LRRFIP1: variants seen among roughly 807,000 people sequenced by gnomAD.
The protein encoded by LRRFIP1 is leucine-rich repeat flightless-interacting protein 1.
Under a neutral mutation model 104.4 loss-of-function variants are expected in LRRFIP1, and 62 were observed. The observed-to-expected ratio is 0.59, with a 90% CI of 0.48 to 0.73. The LOEUF is 0.73. LRRFIP1 is among the 30% of genes least tolerant of loss of function. The pLI, the probability that LRRFIP1 is intolerant of heterozygous loss-of-function variation, is 0.00. For missense variants in LRRFIP1, 796 were observed against 824.5 expected, an observed-to-expected ratio of 0.97 and a Z score of 0.42; for synonymous variants, 300 against 299.0, an observed-to-expected ratio of 1.00 and a Z score of -0.03.
intron 23 of LRRFIP1, among the ~76,000 whole-genome samples, chr2:237,775,674 G>A (rs2061022603): frequency 6.6e-6 from 1 of 152,052 alleles, no homozygotes; most frequent in Non-Finnish European, 1.5e-5. Flanking sequence ...TTTACATAAA[G>A]TGCAAAAAAA....
At chr2:237,701,798 C>T (rs2093548073) in intron 1 of LRRFIP1, among the ~76,000 whole-genome samples, 3 of 152,204 alleles carry the variant, frequency 2.0e-5, no homozygotes. Context: ...CCGTGGGGTC[C>T]CTTTGCAAAG....
rs1300565043 is a variant in LRRFIP1, at chr2:237,772,948, A to G, written c.1707+3A>G. The G allele has an allele frequency of 1.2e-6, 2 of 1,609,218 alleles. No individual in the cohort carries two copies. Among genetic ancestry groups the G allele is most frequent in the South Asian group, 1.1e-5 (1 of 90,946 alleles). ...AGATAACTGCATTAGAACAAAATGT[A>G]CGTGTAAGCAACAACGGGCAGAACT... is the stretch of plus-strand genomic sequence containing the variant. On this transcript the variant is annotated splice_donor_region_variant and intron_variant, in intron 22 of 23. Coordinates refer to ENST00000308482, the MANE Select transcript of LRRFIP1 (RefSeq NM_001137550.2).
intron 1 of LRRFIP1, among the ~76,000 whole-genome samples, chr2:237,685,173 G>T (rs144881191): frequency 1.3e-5 from 2 of 151,346 alleles, no homozygotes; most frequent in African/African-American, 4.9e-5. Flanking sequence ...TTTACTGGAG[G>T]TGTTTGTGGC....
At chr2:237,642,469 GAGGGTTTCAGGTTCCGGGTTCCAGGCTA>G (rs1289809146) in intron 1 of LRRFIP1, among the ~76,000 whole-genome samples, 6 of 144,014 alleles carry the variant, frequency 4.2e-5, no homozygotes, top group East Asian at 2.1e-4. Flanking sequence ...GTTCCAGGCT[GAGGGTTTCAGGTTCCGGGTTCCAGGCTA>G]AGGGTTTCAG....
At position 237,777,142 on chromosome 2, in the gene LRRFIP1, CATATGTGT is replaced by C. The variant is rs957940189; in HGVS notation, c.1813-2265_1813-2258del. Among the ~76,000 whole-genome samples, 20 of 152,302 alleles carry C rather than the reference CATATGTGT, an allele frequency of 1.3e-4. 1 individual carries two copies. Among genetic ancestry groups the C allele is most frequent in the African/African-American group, 4.6e-4 (19 of 41,558 alleles). ...CCTGCCTGGCATGCACACCCTCACA[CATATGTGT>C]ATATGTGTATATGTATATGTACACA... On this transcript the variant is annotated intron_variant, in intron 23 of 23. Coordinates refer to ENST00000308482, the MANE Select transcript of LRRFIP1 (RefSeq NM_001137550.2).
chr2:237,685,402 T>C (rs1005168702), intron 1 of LRRFIP1, among the ~76,000 whole-genome samples: 9 of 152,200 alleles, frequency 5.9e-5, no homozygotes, highest in Non-Finnish European at 1.2e-4. Flanking sequence ...CAACATTTAA[T>C]GGTGTAATGT....
rs2085599805 is a variant in LRRFIP1, at chr2:237,649,766, C to G, written c.96+22026C>G. 6.6e-6 allele frequency among the ~76,000 whole-genome samples: 1 copy of G among 151,962 alleles called. No homozygotes were observed. The highest frequency in any genetic ancestry group is 1.5e-5 in the Non-Finnish European group (1 of 67,948). ...TCCACGGGGGCCAGTGTTGTTCAGG[C>G]CTCACCAGTCCTTGGTCATGCCACC... is the stretch of plus-strand genomic sequence containing the variant. On this transcript the variant is annotated intron_variant, in intron 1 of 23. Coordinates refer to ENST00000308482, the MANE Select transcript of LRRFIP1 (RefSeq NM_001137550.2). This position sits in a 1 kb window ranked among gnomAD's most constrained non-coding sequence, Gnocchi z 4.1.
In LRRFIP1 at chr2:237,711,957, G is replaced by A. The variant is rs1320740669; in HGVS notation, c.184-2302G>A. Among the ~76,000 whole-genome samples the A allele has an allele frequency of 6.6e-6, 1 of 152,238 alleles. No homozygotes were observed. Among genetic ancestry groups the A allele is most frequent in the Non-Finnish European group, 1.5e-5 (1 of 68,046 alleles). On this transcript the variant is annotated intron_variant, in intron 2 of 23. Transcript: ENST00000308482. The surrounding 1 kb of genome is among the most constrained non-coding windows in gnomAD (Gnocchi z 4.4). Reference sequence around the variant, plus strand: ...TTCATGAATTTCGGGTCTTTGCAAGGCGGCAGCATTCCTGTTTAAAGTTTA... The same window carrying A: ...TTCATGAATTTCGGGTCTTTGCAAGACGGCAGCATTCCTGTTTAAAGTTTA...
intron 1 of LRRFIP1, among the ~76,000 whole-genome samples, chr2:237,706,014 C>G (rs1201912461): frequency 1.3e-5 from 2 of 152,254 alleles, no homozygotes; most frequent in Non-Finnish European, 2.9e-5. Context: ...AGGCAGTCAA[C>G]TGACGAAGGA....
At chr2:237,753,838 G>GTATGTA (rs112545832) in intron 15 of LRRFIP1, among the ~76,000 whole-genome samples, 8 of 84,252 alleles carry the variant, frequency 9.5e-5, no homozygotes, top group African/African-American at 3.3e-4. Flanking sequence ...GTGTGTGTGT[G>GTATGTA]TGTATGTATG....
chr2:237,761,759 C>A (rs554226158), intron 19 of LRRFIP1, among the ~76,000 whole-genome samples: 24 of 152,316 alleles, frequency 1.6e-4, no homozygotes, highest in African/African-American at 5.8e-4. Context: ...GATATGGGCA[C>A]CCCACCATGG....
intron 1 of LRRFIP1, among the ~76,000 whole-genome samples, chr2:237,666,817 C>G (rs1211389852): frequency 2.7e-5 from 4 of 150,336 alleles, no homozygotes; most frequent in Non-Finnish European, 5.9e-5. Context: ...CTCTTTCTTT[C>G]TTTCCCTCCC....
intron 1 of LRRFIP1, among the ~76,000 whole-genome samples, chr2:237,670,573 CTT>C (rs2090176452): frequency 6.6e-6 from 1 of 152,220 alleles, no homozygotes; most frequent in Non-Finnish European, 1.5e-5. Flanking sequence ...ATAATACAGA[CTT>C]TGCAAGGCTG....
At chr2:237,755,377 T>C (rs1165163420) in intron 15 of LRRFIP1, among the ~76,000 whole-genome samples, 1 of 152,208 alleles carries the variant, frequency 6.6e-6, no homozygotes, top group Non-Finnish European at 1.5e-5. Context: ...GTTTATCTCC[T>C]TTTTATCCCA....
chr2:237,718,659 A>G (rs911645558), intron 4 of LRRFIP1, among the ~76,000 whole-genome samples: 3 of 152,158 alleles, frequency 2.0e-5, no homozygotes, highest in African/African-American at 7.2e-5. Context: ...TGCTTTTAGC[A>G]TTTGAGAACC....
At chr2:237,678,575 AGCTC>A (rs1437302880) in intron 1 of LRRFIP1, among the ~76,000 whole-genome samples, 1 of 152,052 alleles carries the variant, frequency 6.6e-6, no homozygotes, top group African/African-American at 2.4e-5. Context: ...GAGTGAGGTC[AGCTC>A]ACTGCAACTT....
At chr2:237,710,940 A>G (rs1044764830) in intron 2 of LRRFIP1, among the ~76,000 whole-genome samples, 2 of 152,214 alleles carry the variant, frequency 1.3e-5, no homozygotes, top group African/African-American at 4.8e-5. Context: ...ATGCACCTGT[A>G]GTCCCAGCTA....
chr2:237,714,193 C>A, intron 2 of LRRFIP1, 66 bp from the exon 3 acceptor site: 1 of 1,140,044 alleles, frequency 8.8e-7, no homozygotes, highest in South Asian at 1.4e-5. Flanking sequence ...CAGAACCTTT[C>A]ATTCTGATGT....
intron 1 of LRRFIP1, among the ~76,000 whole-genome samples, chr2:237,668,138 C>T (rs759955595): frequency 6.6e-6 from 1 of 152,128 alleles, no homozygotes; most frequent in African/African-American, 2.4e-5. Flanking sequence ...GGGGCTCCCC[C>T]GAGCTTGTTC....
Sources: gnomAD v4.1 joint callset for allele counts (sites outside exome capture counted in the v4.1 genomes callset) on GRCh38, gnomAD v4.1.1 for gene constraint, Gnocchi (gnomAD v3.1) non-coding constraint, MANE v1.5 for transcripts, NCBI Gene and HGNC (gene_info 2026-07-23, HGNC 2026-07-21) for gene names.